Variants in SMYD2 observed in about 807,000 individuals in gnomAD.
SMYD2 encodes SET and MYND domain containing 2.
Under a neutral mutation model 59.1 loss-of-function variants are expected in SMYD2, and 53 were observed. The observed-to-expected ratio is 0.90, with a 90% CI of 0.72 to 1.13. SMYD2 has a LOEUF of 1.13. Ranked by LOEUF, SMYD2 falls within the 50% of genes most tolerant of loss-of-function variation. SMYD2 has a pLI of 0.00. For missense variants in SMYD2, 494 were observed against 544.7 expected (o/e 0.91, Z 0.93); for synonymous variants, 208 against 198.8 (o/e 1.05, Z -0.39).
At chr1:214,335,639 A>G (rs764477057) in intron 11 of SMYD2, among the ~76,000 whole-genome samples, 1 of 152,232 alleles carries the variant, frequency 6.6e-6, no homozygotes, top group Non-Finnish European at 1.5e-5. Context: ...CTTAGAGATG[A>G]CATTTGATAT....
chr1:214,332,387 C>T, intron 10 of SMYD2, 195 bp downstream of exon 10: 3 of 596,260 alleles, frequency 5.0e-6, no homozygotes, highest in East Asian at 2.9e-5. Flanking sequence ...CCCAAGGAGA[C>T]AGGTTGAGGT....
At chr1:214,298,726 A>C (rs1454349553) in intron 1 of SMYD2, among the ~76,000 whole-genome samples, 2 of 152,242 alleles carry the variant, frequency 1.3e-5, no homozygotes, top group Non-Finnish European at 2.9e-5. Flanking sequence ...AAAAGTGGGC[A>C]AAGAAGACAT....
At chr1:214,324,748 CTT>C in intron 6 of SMYD2, 40 bp downstream of exon 6, 1 of 1,553,868 alleles carries the variant, frequency 6.4e-7, no homozygotes, top group East Asian at 2.3e-5. Context: ...TTTTTACTTA[CTT>C]AACACTAATT....
chr1:214,315,433 TGAA>T (rs1311332348), intron 3 of SMYD2, among the ~76,000 whole-genome samples: 1 of 147,992 alleles, frequency 6.8e-6, no homozygotes, highest in Non-Finnish European at 1.5e-5. Flanking sequence ...AAAAAAAAAG[TGAA>T]GAAGAAGGAA....
intron 1 of SMYD2, among the ~76,000 whole-genome samples, chr1:214,284,731 G>T (rs1044184362): frequency 6.6e-6 from 1 of 152,042 alleles, no homozygotes; most frequent in African/African-American, 2.4e-5. Context: ...GGCCAGGCTG[G>T]TCTCGAACTC....
chr1:214,300,050 G>C (rs1018108923), intron 1 of SMYD2, among the ~76,000 whole-genome samples: 1 of 152,172 alleles, frequency 6.6e-6, no homozygotes, highest in African/African-American at 2.4e-5. Flanking sequence ...CTCACTACCT[G>C]GGTGATGGTA....
At chr1:214,301,596 G>A (rs1656824839) in intron 1 of SMYD2, among the ~76,000 whole-genome samples, 1 of 152,078 alleles carries the variant, frequency 6.6e-6, no homozygotes, top group Non-Finnish European at 1.5e-5. Context: ...GCTTAGGATG[G>A]CAGATCTATG....
intron 11 of SMYD2, among the ~76,000 whole-genome samples, chr1:214,336,348 C>T (rs1030407830): frequency 6.6e-6 from 1 of 152,176 alleles, no homozygotes; most frequent in African/African-American, 2.4e-5. Flanking sequence ...CTGGCTAACA[C>T]AGTGAAACCC....
Position 214,325,508 on chromosome 1 carries a change from C to T in SMYD2, c.602+800C>T, listed in dbSNP as rs145943345. Among the ~76,000 whole-genome samples the T allele has an allele frequency of 2.7e-3, 410 of 152,326 alleles. 4 individuals carry two copies. Among genetic ancestry groups the T allele is most frequent in the African/African-American group, 9.5e-3 (396 of 41,564 alleles). The stretch of plus-strand genomic sequence containing the variant: ...TAACATATACTGCAGGGGCCTTTGC[C>T]TGTAGGTTGCCACATAGGTAGGAAA... On this transcript the variant is annotated intron_variant, in intron 6 of 11. Transcript: ENST00000366957.
rs370155943 is a variant in SMYD2, at chr1:214,295,056, T to C, written c.174-10131T>C. ...CTGGAAGAAGCGGTGGATATTATTT[T>C]ATTGTCAGTTCCTTTATGAGAGAAC... On this transcript the variant is annotated intron_variant, in intron 1 of 11. Coordinates refer to ENST00000366957, the MANE Select transcript of SMYD2 (RefSeq NM_020197.3). Among the ~76,000 whole-genome samples the C allele has an allele frequency of 7.9e-5, 12 of 152,344 alleles. No homozygotes were observed. The South Asian group carries it at 1.7e-3, about 21-fold the overall frequency.
At chr1:214,302,177 A>G (rs1656834596) in intron 1 of SMYD2, among the ~76,000 whole-genome samples, 1 of 152,072 alleles carries the variant, frequency 6.6e-6, no homozygotes, top group Non-Finnish European at 1.5e-5. Flanking sequence ...CCCTGTCTCT[A>G]CTAATACAAA....
intron 6 of SMYD2, among the ~76,000 whole-genome samples, chr1:214,325,815 A>G (rs1657251804): frequency 6.7e-6 from 1 of 150,022 alleles, no homozygotes; most frequent in Non-Finnish European, 1.5e-5. Context: ...CCCCTGGGAA[A>G]AGGCAGGAGA....
At chr1:214,292,727 A>T (rs1217833254) in intron 1 of SMYD2, among the ~76,000 whole-genome samples, 2 of 152,128 alleles carry the variant, frequency 1.3e-5, no homozygotes, top group Non-Finnish European at 2.9e-5. Flanking sequence ...TTTCTTCAGG[A>T]CAAGTTCCCT....
chr1:214,337,027 A>T lies in SMYD2; in HGVS notation c.*243A>T. On this transcript the variant is annotated 3_prime_UTR_variant, in exon 12 of 12. Transcript: ENST00000366957. ...ATAATGGCATGGTTTCATATGTTAT[A>T]CTTTGGACAGACAGAGTTTTAAAAA... 2 of 395,266 alleles carry T rather than the reference A, an allele frequency of 5.1e-6. No individual in the cohort carries two copies. The highest frequency in any genetic ancestry group is 6.6e-4 in the Middle Eastern group (1 of 1,514). The allele number at this position is 395,266 out of a possible 1,614,324, so 24.5% of individuals were successfully genotyped here.
rs1657005749 is a variant in SMYD2 at position 214,312,039 on chromosome 1, G to C, written c.238-2723G>C. 6.6e-6 allele frequency among the ~76,000 whole-genome samples: 1 copy of C among 152,214 alleles called. No homozygotes were observed. Among genetic ancestry groups the C allele is most frequent in the Non-Finnish European group, 1.5e-5 (1 of 68,034 alleles). On this transcript the variant is annotated intron_variant, in intron 2 of 11. Coordinates refer to ENST00000366957, the MANE Select transcript of SMYD2 (RefSeq NM_020197.3). This position sits in a 1 kb window ranked among gnomAD's most constrained non-coding sequence, Gnocchi z 4.1. Reference sequence around the variant, plus strand: ...AGTCTGCAGGGAGACAGACCCACCTGTTCCCACCTCTTCGCCTCATCACCA... The same window carrying C: ...AGTCTGCAGGGAGACAGACCCACCTCTTCCCACCTCTTCGCCTCATCACCA...
At chr1:214,300,186 C>T (rs1403127355) in intron 1 of SMYD2, among the ~76,000 whole-genome samples, 1 of 152,102 alleles carries the variant, frequency 6.6e-6, no homozygotes. Flanking sequence ...GTTCACTGAG[C>T]ATACATGTAG....
chr1:214,317,533 C>G, intron 3 of SMYD2, among the ~76,000 whole-genome samples: 1 of 152,228 alleles, frequency 6.6e-6, no homozygotes, highest in East Asian at 1.9e-4. Flanking sequence ...TTCATGTTCT[C>G]AAAGCCTAGC....
chr1:214,287,847 A>G (rs1656576174), intron 1 of SMYD2, among the ~76,000 whole-genome samples: 1 of 152,240 alleles, frequency 6.6e-6, no homozygotes, highest in East Asian at 1.9e-4. Flanking sequence ...GGAAGAAAAC[A>G]GAATTTTCCA....
Position 214,318,006 on chromosome 1 carries a change from A to C in SMYD2, c.349-73A>C. On this transcript the variant is annotated intron_variant, in intron 3 of 11. Transcript: ENST00000366957. The surrounding 1 kb of genome is among the most constrained non-coding windows in gnomAD (Gnocchi z 5.4). ...TTACTTTTTCTTTATGTTGATGTAA[A>C]AGTGAAAGTGCCACTTTATTACACT... is the stretch of plus-strand genomic sequence containing the variant. 2 of 1,338,078 alleles carry C rather than the reference A, an allele frequency of 1.5e-6. No individual in the cohort carries two copies. Among genetic ancestry groups the C allele is most frequent in the Non-Finnish European group, 2.1e-6 (2 of 937,254 alleles). The allele number at this position is 1,338,078 out of a possible 1,614,324, so 82.9% of individuals were successfully genotyped here.
Sources: allele counts gnomAD v4.1 joint callset (sites outside exome capture counted in the v4.1 genomes callset), GRCh38; gene constraint gnomAD v4.1.1; non-coding constraint Gnocchi (gnomAD v3.1); transcripts MANE v1.5; gene names NCBI Gene and HGNC (gene_info 2026-07-23, HGNC 2026-07-21).